ANXA4: variants seen among roughly 807,000 people sequenced by gnomAD.
The protein encoded by ANXA4 is annexin A4.
In ANXA4, 39 loss-of-function variants were observed where a neutral mutation model predicts 49.8. The ratio of observed to expected loss-of-function variants is 0.78; its 90% CI spans 0.61 to 1.02. The LOEUF (loss-of-function observed/expected upper bound fraction) is 1.02, where lower values mean the gene tolerates loss of function less well. ANXA4 is among the 50% of genes least tolerant of loss of function. The pLI is 0.00. For missense variants in ANXA4, 360 were observed against 410.1 expected (o/e 0.88, Z 1.05); for synonymous variants, 134 against 152.5 (o/e 0.88, Z 0.89).
chr2:69,686,556 G>A (rs1254184152), intron 2 of ANXA4, among the ~76,000 whole-genome samples: 2 of 152,098 alleles, frequency 1.3e-5, no homozygotes, highest in African/African-American at 2.4e-5. Context: ...AGGCTCAAGC[G>A]CTCCTCCCAC....
intron 3 of ANXA4, among the ~76,000 whole-genome samples, chr2:69,733,613 G>GA (rs765187064): frequency 0.11 from 12,881 of 119,680 alleles, 1,733 homozygotes; most frequent in African/African-American, 0.33. Flanking sequence ...CCCTGTCTTA[G>GA]AAAAAAAAAA....
Position 69,709,981 on chromosome 2 carries a change from C to CTTTTTT in ANXA4, n.767-10775_767-10770dup, listed in dbSNP as rs974347199. ...TATTATGGCAGCATGCACTTCCAGG[C>CTTTTTT]TTTTTTTTTTTTTTTTTTTTTTTGA... On this transcript the variant is annotated intron_variant and non_coding_transcript_variant, in intron 2 of 3. Transcript: ENST00000418066. Among the ~76,000 whole-genome samples, 31 of 97,020 alleles carry CTTTTTT rather than the reference C, an allele frequency of 3.2e-4. 1 individual carries two copies. Among genetic ancestry groups the CTTTTTT allele is most frequent in the East Asian group, 1.8e-3 (6 of 3,280 alleles). 63.6% of individuals were successfully genotyped at this position (97,020 alleles called of 152,430 possible).
chr2:69,788,633 C>A (rs936517516), intron 3 of ANXA4, among the ~76,000 whole-genome samples: 1 of 151,632 alleles, frequency 6.6e-6, no homozygotes, highest in African/African-American at 2.4e-5. Flanking sequence ...GTCAGGAGAT[C>A]GAGACCATCC....
chr2:69,726,919 G>C (rs1464207891), intron 3 of ANXA4, among the ~76,000 whole-genome samples: 1 of 152,114 alleles, frequency 6.6e-6, no homozygotes, highest in African/African-American at 2.4e-5. Context: ...GTCTTGTTCT[G>C]TCGCCCAGGC....
chr2:69,773,836 T>C (rs1671845932), intron 1 of ANXA4, among the ~76,000 whole-genome samples: 1 of 151,918 alleles, frequency 6.6e-6, no homozygotes, highest in Admixed American at 6.6e-5. Flanking sequence ...TTCACCATAT[T>C]GGTCAGGCTG....
chr2:69,727,276 C>A (rs1179938073), intron 3 of ANXA4, among the ~76,000 whole-genome samples: 1 of 152,214 alleles, frequency 6.6e-6, no homozygotes, highest in South Asian at 2.1e-4. Flanking sequence ...AACACTGTTA[C>A]GCATTGCTGG....
At chr2:69,650,304 T>C (rs1676185484) in intron 1 of ANXA4, among the ~76,000 whole-genome samples, 1 of 152,310 alleles carries the variant, frequency 6.6e-6, no homozygotes, top group Admixed American at 6.5e-5. Flanking sequence ...TGAATGTTTT[T>C]ACAGCTAGAG....
intron 1 of ANXA4, among the ~76,000 whole-genome samples, chr2:69,763,688 A>C (rs1671386086): frequency 6.9e-6 from 1 of 144,184 alleles, no homozygotes; most frequent in Non-Finnish European, 1.5e-5. Flanking sequence ...TTTGAGATAG[A>C]GTCTCGCTCT....
chr2:69,656,399 ATGTATATATATGTATATATATATGTGTG>A (rs1676491911), intron 2 of ANXA4, among the ~76,000 whole-genome samples: 2 of 87,620 alleles, frequency 2.3e-5, no homozygotes, highest in African/African-American at 3.1e-5. Flanking sequence ...GTGTATATAT[ATGTATATATATGTATATATATATGTGTG>A]TGTATATATA....
intron 2 of ANXA4, among the ~76,000 whole-genome samples, chr2:69,688,522 G>T (rs1314502631): frequency 6.6e-6 from 1 of 152,130 alleles, no homozygotes; most frequent in Non-Finnish European, 1.5e-5. Flanking sequence ...TTATTAGCTG[G>T]AATACTTTTA....
intron 1 of ANXA4, among the ~76,000 whole-genome samples, chr2:69,767,966 A>G (rs1277397257): frequency 1.3e-5 from 2 of 151,972 alleles, no homozygotes; most frequent in Admixed American, 6.6e-5. Flanking sequence ...TTATGTAAAT[A>G]TATACATATG....
chr2:69,815,647 G>A (rs189657767), intron 8 of ANXA4: 1 of 155,668 alleles, frequency 6.4e-6, no homozygotes, highest in Non-Finnish European at 1.4e-5. Flanking sequence ...CCGCAGTGAT[G>A]AGAACATTCC....
At chr2:69,717,069 G>A (rs185186006) in intron 2 of ANXA4, among the ~76,000 whole-genome samples, 14 of 152,292 alleles carry the variant, frequency 9.2e-5, no homozygotes, top group South Asian at 2.1e-4. Flanking sequence ...AAGCAGCATC[G>A]TGTAGCAGAG....
chr2:69,726,922 G>A (rs556924564), intron 3 of ANXA4, among the ~76,000 whole-genome samples: 5 of 152,070 alleles, frequency 3.3e-5, no homozygotes, highest in Admixed American at 1.3e-4. Flanking sequence ...TTGTTCTGTC[G>A]CCCAGGCTGG....
At position 69,804,541 on chromosome 2, in the gene ANXA4, G is replaced by A; in HGVS notation, c.106G>A (p.Glu36Lys). 1 of 1,613,748 alleles carries A rather than the reference G, an allele frequency of 6.2e-7. No individual in the cohort carries two copies. Among genetic ancestry groups the A allele is most frequent in the South Asian group, 1.1e-5 (1 of 91,024 alleles). The part of the protein sequence containing the change: ...RKAMKGLGTD[E>K]DAIISVLAYR... ...CTCCCTTCTTCCCCCAGGCACCGATGAAGACGCCATTATTAGCGTCCTTGC... is the reference window on the plus strand; with the variant it reads ...CTCCCTTCTTCCCCCAGGCACCGATAAAGACGCCATTATTAGCGTCCTTGC... Residue 36 changes from glutamate to lysine, a missense_variant, in exon 4 of 13, where the codon GAA (glutamate) becomes AAA (lysine). Glu to Lys is a moderately conservative substitution (Grantham distance 56). Coordinates refer to ENST00000394295, the MANE Select transcript of ANXA4 (RefSeq NM_001153.5).
At chr2:69,676,476 A>G (rs1201204213) in intron 2 of ANXA4, among the ~76,000 whole-genome samples, 1 of 152,238 alleles carries the variant, frequency 6.6e-6, no homozygotes. Context: ...TAAATGTTAT[A>G]TTGTATTTGA....
intron 1 of ANXA4, among the ~76,000 whole-genome samples, chr2:69,647,900 A>G (rs1366658355): frequency 6.6e-6 from 1 of 152,200 alleles, no homozygotes; most frequent in South Asian, 2.1e-4. Flanking sequence ...CAAAGTAGAC[A>G]GTATTATCTA....
At chr2:69,673,101 G>A (rs1216883820) in intron 2 of ANXA4, among the ~76,000 whole-genome samples, 1 of 152,186 alleles carries the variant, frequency 6.6e-6, no homozygotes, top group East Asian at 1.9e-4. Flanking sequence ...GTGGAAGACA[G>A]TGTGGCAATT....
At chr2:69,778,803 AGAG>A (rs1364876877) in intron 1 of ANXA4, among the ~76,000 whole-genome samples, 145 of 138,098 alleles carry the variant, frequency 1.0e-3, no homozygotes, top group Non-Finnish European at 1.9e-3. Flanking sequence ...AAAAAAAAAA[AGAG>A]AAATCAGAGG....
Sources: gnomAD v4.1 joint callset for allele counts (sites outside exome capture counted in the v4.1 genomes callset) on GRCh38, gnomAD v4.1.1 for gene constraint, MANE v1.5 for transcripts, NCBI Gene and HGNC (gene_info 2026-07-23, HGNC 2026-07-21) for gene names.